Variants in ADCY5 observed in about 807,000 individuals in gnomAD.
ADCY5 encodes adenylate cyclase 5, also known as adenylate cyclase type 5.
Under a neutral mutation model 119.7 loss-of-function variants are expected in ADCY5, and 30 were observed. That is an observed-to-expected ratio of 0.25 (90% CI 0.19 to 0.34). The LOEUF is 0.34. Ranked by LOEUF, ADCY5 falls within the 10% of genes least tolerant of loss-of-function variation. The pLI is 1.00. For missense variants in ADCY5, 1,324 were observed against 1,775.2 expected (o/e 0.75, Z 4.57); for synonymous variants, 753 against 762.2 (o/e 0.99, Z 0.20).
chr3:123,389,138 C>A (rs1344186789), intron 1 of ADCY5, among the ~76,000 whole-genome samples: 1 of 150,928 alleles, frequency 6.6e-6, no homozygotes, highest in Non-Finnish European at 1.5e-5. Flanking sequence ...AGGTGCAGGA[C>A]GTCGGCTGAG....
At chr3:123,367,519 C>T (rs992574501) in intron 1 of ADCY5, among the ~76,000 whole-genome samples, 1 of 152,166 alleles carries the variant, frequency 6.6e-6, no homozygotes, top group East Asian at 1.9e-4. Flanking sequence ...TAATTATCCC[C>T]ACTCCCCCAA....
intron 1 of ADCY5, among the ~76,000 whole-genome samples, chr3:123,395,278 T>C (rs1944508862): frequency 6.6e-6 from 1 of 152,168 alleles, no homozygotes; most frequent in South Asian, 2.1e-4. Flanking sequence ...TATCTCCCAA[T>C]AAACAGCTAA....
chr3:123,352,326 G>A lies in ADCY5; in HGVS notation c.1284+106C>T. On this transcript the variant is annotated intron_variant, in intron 2 of 20. Coordinates refer to ENST00000462833, the MANE Select transcript of ADCY5 (RefSeq NM_183357.3). This position sits in a 1 kb window ranked among gnomAD's most constrained non-coding sequence, Gnocchi z 4.8. ...GGTTGGTCCCCTCCCGGGGAGTGGG[G>A]CTGGCAGCCGTAATAAGCACTGCCC... is the stretch of plus-strand genomic sequence containing the variant. 1 of 1,380,252 alleles carries A rather than the reference G, an allele frequency of 7.2e-7. No homozygotes were observed. The highest frequency in any genetic ancestry group is 9.6e-7 in the Non-Finnish European group (1 of 1,039,356). 85.5% of individuals were successfully genotyped at this position (1,380,252 alleles called of 1,614,324 possible).
intron 1 of ADCY5, among the ~76,000 whole-genome samples, chr3:123,434,591 C>G (rs1469782509): frequency 6.6e-6 from 1 of 152,140 alleles, no homozygotes; most frequent in African/African-American, 2.4e-5. Context: ...CCAAAAAATG[C>G]TAATTAAATA....
chr3:123,428,254 T>C (rs561005087), intron 1 of ADCY5, among the ~76,000 whole-genome samples: 1 of 152,212 alleles, frequency 6.6e-6, no homozygotes, highest in East Asian at 1.9e-4. Context: ...GACCATCTGA[T>C]CTTGCTGTAC....
intron 1 of ADCY5, among the ~76,000 whole-genome samples, chr3:123,414,736 T>C (rs1945146144): frequency 6.6e-6 from 1 of 152,142 alleles, no homozygotes; most frequent in South Asian, 2.1e-4. Flanking sequence ...TTTGTATTTT[T>C]AGTAGAGATG....
intron 1 of ADCY5, among the ~76,000 whole-genome samples, chr3:123,405,467 T>G (rs1324749634): frequency 1.3e-5 from 2 of 152,098 alleles, no homozygotes; most frequent in African/African-American, 4.8e-5. Context: ...TTCTCTCCTT[T>G]AGGACCTGAG....
chr3:123,390,289 C>A (rs1341777513), intron 1 of ADCY5, among the ~76,000 whole-genome samples: 1 of 152,228 alleles, frequency 6.6e-6, no homozygotes, highest in African/African-American at 2.4e-5. Context: ...GATGTCAAAG[C>A]AGCCTTTATA....
chr3:123,320,943 C>T (rs1559803650), intron 8 of ADCY5, among the ~76,000 whole-genome samples, 172 bp from the exon 9 acceptor site: 2 of 152,200 alleles, frequency 1.3e-5, no homozygotes, highest in African/African-American at 2.4e-5. Context: ...TTGGAGAATA[C>T]AGCTGGGTTC....
rs893243524 is a variant in ADCY5 at position 123,382,571 on chromosome 3, T to C, written c.1135-29990A>G. On this transcript the variant is annotated intron_variant, in intron 1 of 20. Transcript: ENST00000462833. ...GATAAAATATGCTATCTATACACAATGGAACATTATTCAACCTTCAATAGG... is the reference window on the plus strand; with the variant it reads ...GATAAAATATGCTATCTATACACAACGGAACATTATTCAACCTTCAATAGG... 2.0e-5 allele frequency among the ~76,000 whole-genome samples: 3 copies of C among 152,220 alleles called. No homozygotes were observed. The East Asian group carries it at 5.8e-4, about 29-fold the overall frequency.
intron 1 of ADCY5, among the ~76,000 whole-genome samples, chr3:123,408,355 T>G (rs537174982): frequency 6.6e-5 from 10 of 151,986 alleles, no homozygotes; most frequent in South Asian, 2.1e-4. Context: ...GTTTTTTTTT[T>G]TTTTTTTAAA....
At chr3:123,293,418 C>T (rs1939292074) in intron 17 of ADCY5, among the ~76,000 whole-genome samples, 1 of 152,186 alleles carries the variant, frequency 6.6e-6, no homozygotes, top group African/African-American at 2.4e-5. Flanking sequence ...GCTCCCTCTC[C>T]CAAAATCCCA....
intron 8 of ADCY5, among the ~76,000 whole-genome samples, chr3:123,323,383 C>G (rs185879523): frequency 7.2e-5 from 11 of 152,288 alleles, no homozygotes; most frequent in Admixed American, 5.2e-4. Context: ...CTTTAAGACT[C>G]CAAAATAACT....
intron 1 of ADCY5, among the ~76,000 whole-genome samples, chr3:123,433,210 G>A (rs1210054310): frequency 6.6e-6 from 1 of 152,238 alleles, no homozygotes; most frequent in Non-Finnish European, 1.5e-5. Context: ...AAGGCAGGCA[G>A]GGCCCCAGAG....
At chr3:123,396,027 AGG>A in intron 1 of ADCY5, among the ~76,000 whole-genome samples, 2 of 112,768 alleles carry the variant, frequency 1.8e-5, no homozygotes, top group Non-Finnish European at 3.5e-5. Flanking sequence ...AGAGGGAGGG[AGG>A]GAGAGAGGGA....
At chr3:123,366,147 T>G (rs1943430145) in intron 1 of ADCY5, among the ~76,000 whole-genome samples, 1 of 152,004 alleles carries the variant, frequency 6.6e-6, no homozygotes, top group Non-Finnish European at 1.5e-5. Context: ...TGGGTTAGTT[T>G]GTTTTCTTTG....
chr3:123,404,666 A>C (rs1483701151), intron 1 of ADCY5: 1 of 152,256 alleles, frequency 6.6e-6, no homozygotes, highest in African/African-American at 2.4e-5. Context: ...CCATCTTCTC[A>C]GACAAGAGCT....
At chr3:123,311,417 C>G (rs1197705542) in intron 12 of ADCY5, among the ~76,000 whole-genome samples, 1 of 152,172 alleles carries the variant, frequency 6.6e-6, no homozygotes, top group African/African-American at 2.4e-5. Flanking sequence ...GGTACTGTTC[C>G]CCGCCATGCA....
chr3:123,404,925 G>C (rs1339585536), intron 1 of ADCY5, among the ~76,000 whole-genome samples: 1 of 152,200 alleles, frequency 6.6e-6, no homozygotes, highest in Middle Eastern at 3.2e-3. Context: ...CTCTGAAAAA[G>C]AGACCTCACC....
Sources: allele counts gnomAD v4.1 joint callset (sites outside exome capture counted in the v4.1 genomes callset), GRCh38; gene constraint gnomAD v4.1.1; non-coding constraint Gnocchi (gnomAD v3.1); transcripts MANE v1.5; gene names NCBI Gene and HGNC (gene_info 2026-07-23, HGNC 2026-07-21).